Variants in PARD3B observed in about 807,000 individuals in gnomAD.
PARD3B encodes partitioning defective 3 homolog B.
Under a neutral mutation model 130.2 loss-of-function variants are expected in PARD3B, and 103 were observed. That is an observed-to-expected ratio of 0.79 (90% CI 0.67 to 0.93). PARD3B has a LOEUF of 0.93. Among genes scored for constraint, PARD3B ranks in the 40% least tolerant of loss-of-function variants. PARD3B has a pLI of 0.00. For synonymous variants in PARD3B, 583 were observed against 553.2 expected, an observed-to-expected ratio of 1.05 and a Z score of -0.76; for missense variants, 1,609 against 1,499.2, an observed-to-expected ratio of 1.07 and a Z score of -1.21.
In PARD3B at chr2:205,160,196, A is replaced by T. The variant is rs1022221593; in HGVS notation, c.1620+1289A>T. Among the ~76,000 whole-genome samples, 1 of 152,200 alleles carries T rather than the reference A, an allele frequency of 6.6e-6. No individual in the cohort carries two copies. Among genetic ancestry groups the T allele is most frequent in the Non-Finnish European group, 1.5e-5 (1 of 68,040 alleles). ...TTTAGTTAGCTTTTGTCGCATAATA[A>T]ATAGTCATAATTTTTCAGTAATATA... is the stretch of plus-strand genomic sequence containing the variant. On this transcript the variant is annotated intron_variant, in intron 11 of 22. Coordinates refer to ENST00000406610, the MANE Select transcript of PARD3B (RefSeq NM_001302769.2). This position sits in a 1 kb window ranked among gnomAD's most constrained non-coding sequence, Gnocchi z 4.0.
intron 20 of PARD3B, among the ~76,000 whole-genome samples, chr2:205,493,724 GTATTTATTTATT>G (rs1013265539): frequency 1.6e-3 from 24 of 15,006 alleles, no homozygotes; most frequent in Admixed American, 2.9e-3. Flanking sequence ...ATTTATGTAT[GTATTTATTTATT>G]TATTTATTTA....
intron 2 of PARD3B, among the ~76,000 whole-genome samples, chr2:204,896,212 A>G (rs1575239663): frequency 6.6e-6 from 1 of 152,318 alleles, no homozygotes; most frequent in Admixed American, 6.5e-5. Flanking sequence ...TGAGATAACT[A>G]GAGGTTAGGT....
chr2:205,161,272 T>C (rs1271542164), intron 11 of PARD3B, among the ~76,000 whole-genome samples: 1 of 152,176 alleles, frequency 6.6e-6, no homozygotes, highest in Non-Finnish European at 1.5e-5. Flanking sequence ...CAGTCCTGTT[T>C]CTTGCAGAAA....
Position 205,463,825 on chromosome 2 carries a change from A to T in PARD3B, c.3044+23153A>T, listed in dbSNP as rs565743637. On this transcript the variant is annotated intron_variant, in intron 20 of 22. Coordinates refer to ENST00000406610, the MANE Select transcript of PARD3B (RefSeq NM_001302769.2). The surrounding 1 kb of genome is among the most constrained non-coding windows in gnomAD (Gnocchi z 4.8). ...GAAGGAAAGCCAGCCACCCTTCCCC[A>T]CATACCATGCAGCTGTTGCAGTAGC... Among the ~76,000 whole-genome samples, 3 of 152,210 alleles carry T rather than the reference A, an allele frequency of 2.0e-5. No homozygotes were observed. Among genetic ancestry groups the T allele is most frequent in the African/African-American group, 7.2e-5 (3 of 41,462 alleles).
chr2:204,861,254 T>G (rs905625698), intron 2 of PARD3B, among the ~76,000 whole-genome samples: 9 of 151,238 alleles, frequency 6.0e-5, no homozygotes, highest in Non-Finnish European at 4.4e-5. Context: ...AATTAATTAA[T>G]TTAGATGACT....
At chr2:205,099,862 G>A (rs149022782) in intron 4 of PARD3B, among the ~76,000 whole-genome samples, 567 of 152,092 alleles carry the variant, frequency 3.7e-3, no homozygotes, top group South Asian at 0.012. Flanking sequence ...TGATAGCTTC[G>A]GCAAGGGAAA....
At chr2:204,924,980 T>C (rs1459889604) in intron 2 of PARD3B, among the ~76,000 whole-genome samples, 1 of 150,538 alleles carries the variant, frequency 6.6e-6, no homozygotes, top group Non-Finnish European at 1.5e-5. Flanking sequence ...CGCAATCTGA[T>C]ATATATGCAT....
intron 1 of PARD3B, among the ~76,000 whole-genome samples, chr2:204,615,606 G>A (rs532865908): frequency 3.3e-5 from 5 of 152,194 alleles, no homozygotes; most frequent in South Asian, 2.1e-4. Context: ...TGAATTTTAC[G>A]TTGGCAATGA....
chr2:204,844,226 G>A (rs937844176), intron 2 of PARD3B, among the ~76,000 whole-genome samples: 9 of 151,944 alleles, frequency 5.9e-5, no homozygotes, highest in African/African-American at 2.2e-4. Flanking sequence ...TATTATTTCT[G>A]TACAAAAGTT....
chr2:205,515,173 C>G (rs946196612), intron 21 of PARD3B, among the ~76,000 whole-genome samples: 4 of 124,606 alleles, frequency 3.2e-5, no homozygotes, highest in Non-Finnish European at 7.0e-5. Context: ...AAGACATGAT[C>G]TCATTCTTTT....
chr2:205,107,181 A>G (rs1343812144), intron 5 of PARD3B, among the ~76,000 whole-genome samples: 1 of 152,206 alleles, frequency 6.6e-6, no homozygotes, highest in East Asian at 1.9e-4. Flanking sequence ...ATAATAACCT[A>G]CTAACTTCTC....
rs189685821 is a variant in PARD3B, at chr2:205,503,319, A to G, written c.3180+3288A>G. ...GAGTAGTTCATTCTGCTGGAGGTGC[A>G]TAGTTGGAGACAGAGTGCTAGGAAA... is the stretch of plus-strand genomic sequence containing the variant. On this transcript the variant is annotated intron_variant, in intron 21 of 22. Coordinates refer to ENST00000406610, the MANE Select transcript of PARD3B (RefSeq NM_001302769.2). Among the ~76,000 whole-genome samples, 34 of 152,164 alleles carry G rather than the reference A, an allele frequency of 2.2e-4. No individual in the cohort carries two copies. The East Asian group carries it at 6.2e-3, about 28-fold the overall frequency.
rs1214270736 is a variant in PARD3B, at chr2:204,686,354, T to C, written c.222+72T>C. 2.7e-6 allele frequency: 3 copies of C among 1,091,076 alleles called. No individual in the cohort carries two copies. In the African/African-American group the frequency reaches 4.7e-5, roughly 17 times the overall value. 67.6% of individuals were successfully genotyped at this position (1,091,076 alleles called of 1,614,324 possible). A position where few individuals can be genotyped will look rare whatever the true frequency, so the allele number is the denominator to read the frequency against. ...GCATGTTTTCAAGAGACTGAAATCC[T>C]TAACAAACTCATGTGTCAATTATTA... On this transcript the variant is annotated intron_variant, in intron 2 of 22. Transcript: ENST00000406610.
chr2:205,524,506 T>C (rs116732252), intron 21 of PARD3B, among the ~76,000 whole-genome samples: 1,891 of 152,280 alleles, frequency 0.012, 42 homozygotes, highest in African/African-American at 0.043. Context: ...GGGGAGAGCT[T>C]TCTATGCCCT....
intron 2 of PARD3B, among the ~76,000 whole-genome samples, chr2:204,846,073 TGAA>T (rs2044452380): frequency 6.6e-6 from 1 of 150,832 alleles, no homozygotes; most frequent in Non-Finnish European, 1.5e-5. Context: ...GAAAAACAAA[TGAA>T]GAAAAGGAAA....
chr2:205,266,563 A>T (rs1464370775), intron 16 of PARD3B, among the ~76,000 whole-genome samples: 1 of 152,136 alleles, frequency 6.6e-6, no homozygotes, highest in Non-Finnish European at 1.5e-5. Context: ...TAGTGCCTAG[A>T]ACACTGAAAG....
intron 2 of PARD3B, among the ~76,000 whole-genome samples, chr2:204,792,471 A>G (rs1286451685): frequency 6.6e-6 from 1 of 152,192 alleles, no homozygotes; most frequent in Non-Finnish European, 1.5e-5. Context: ...AATAATATGT[A>G]TGCTTTATTT....
At chr2:204,699,818 C>G (rs73984271) in intron 2 of PARD3B, among the ~76,000 whole-genome samples, 2,865 of 152,148 alleles carry the variant, frequency 0.019, 91 homozygotes, top group African/African-American at 0.065. Context: ...AATGATTTAG[C>G]ATAAAAATGG....
intron 4 of PARD3B, among the ~76,000 whole-genome samples, chr2:205,086,492 G>T (rs1233901848): frequency 6.6e-6 from 1 of 152,154 alleles, no homozygotes; most frequent in Non-Finnish European, 1.5e-5. Context: ...AGTTCTGCAT[G>T]GTTTCAGTTG....
Sources: allele counts gnomAD v4.1 joint callset (sites outside exome capture counted in the v4.1 genomes callset), GRCh38; gene constraint gnomAD v4.1.1; non-coding constraint Gnocchi (gnomAD v3.1); transcripts MANE v1.5; gene names NCBI Gene and HGNC (gene_info 2026-07-23, HGNC 2026-07-21).